Variants in CDH10 observed in about 807,000 individuals in gnomAD.
CDH10 encodes the protein cadherin 10.
In CDH10, 30 loss-of-function variants were observed where a neutral mutation model predicts 73.1. That is an observed-to-expected ratio of 0.41 (90% CI 0.31 to 0.56). The LOEUF (loss-of-function observed/expected upper bound fraction) is 0.56. Among genes scored for constraint, CDH10 ranks in the 20% least tolerant of loss-of-function variants. CDH10 has a pLI of 0.27. For synonymous variants in CDH10, 345 were observed against 348.2 expected, an observed-to-expected ratio of 0.99 and a Z score of 0.10; for missense variants, 815 against 973.7, an observed-to-expected ratio of 0.84 and a Z score of 2.17.
At chr5:24,593,773 T>C (rs1746280592) in intron 1 of CDH10, among the ~76,000 whole-genome samples, 160 bp from the exon 2 acceptor site, 1 of 151,960 alleles carries the variant, frequency 6.6e-6, no homozygotes, top group Admixed American at 6.6e-5. Context: ...ATATTACTTG[T>C]CTAGCAATAT....
At chr5:24,503,007 A>G (rs1269969728) in intron 8 of CDH10, among the ~76,000 whole-genome samples, 2 of 152,226 alleles carry the variant, frequency 1.3e-5, no homozygotes, top group Admixed American at 6.5e-5. Context: ...TTTATATCTC[A>G]CTATGAAAAA....
intron 2 of CDH10, among the ~76,000 whole-genome samples, chr5:24,592,461 C>T (rs1746231388): frequency 6.6e-6 from 1 of 151,690 alleles, no homozygotes; most frequent in African/African-American, 2.4e-5. Flanking sequence ...TTTGTAAGCT[C>T]TCAAGTCAAC....
At chr5:24,644,175 G>A (rs1163699008) in intron 1 of CDH10, among the ~76,000 whole-genome samples, 1 of 152,116 alleles carries the variant, frequency 6.6e-6, no homozygotes, top group Middle Eastern at 3.2e-3. Context: ...CCATTCATAT[G>A]GAATGCAAAG....
intron 2 of CDH10, among the ~76,000 whole-genome samples, chr5:24,564,971 T>A (rs1745116268): frequency 6.6e-6 from 1 of 152,122 alleles, no homozygotes. Flanking sequence ...CTTTTCTGAC[T>A]CTGAATGCCC....
chr5:24,575,363 A>AT, intron 2 of CDH10, among the ~76,000 whole-genome samples: 1 of 150,570 alleles, frequency 6.6e-6, no homozygotes, highest in Non-Finnish European at 1.5e-5. Context: ...AACAAAAAAA[A>AT]AAAAAAAAAA....
At chr5:24,629,575 T>G (rs1747634519) in intron 1 of CDH10, among the ~76,000 whole-genome samples, 1 of 152,136 alleles carries the variant, frequency 6.6e-6, no homozygotes, top group African/African-American at 2.4e-5. Flanking sequence ...TCTCAAATTG[T>G]AATCCCCAGG....
intron 5 of CDH10, among the ~76,000 whole-genome samples, chr5:24,529,160 C>A (rs1290787725): frequency 6.6e-6 from 1 of 152,010 alleles, no homozygotes; most frequent in South Asian, 2.1e-4. Context: ...CTTGGGCAAA[C>A]CAGATAATCC....
At chr5:24,635,228 G>A (rs1297692826) in intron 1 of CDH10, among the ~76,000 whole-genome samples, 1 of 151,794 alleles carries the variant, frequency 6.6e-6, no homozygotes, top group African/African-American at 2.4e-5. Context: ...AGATTTATAG[G>A]TATCAAAACG....
intron 2 of CDH10, among the ~76,000 whole-genome samples, chr5:24,573,996 T>G (rs1259906003): frequency 6.6e-6 from 1 of 151,656 alleles, no homozygotes; most frequent in Non-Finnish European, 1.5e-5. Flanking sequence ...GCCATTCTCC[T>G]GCCTCAACCT....
At chr5:24,552,530 T>C (rs1278734037) in intron 2 of CDH10, among the ~76,000 whole-genome samples, 1 of 152,044 alleles carries the variant, frequency 6.6e-6, no homozygotes, top group Admixed American at 6.6e-5. Flanking sequence ...CTAATCTTCT[T>C]TTTCTGTTAA....
intron 9 of CDH10, among the ~76,000 whole-genome samples, chr5:24,493,417 C>CT (rs1228556048): frequency 6.6e-6 from 1 of 151,860 alleles, no homozygotes; most frequent in Non-Finnish European, 1.5e-5. Flanking sequence ...GTTCAATTAA[C>CT]TTACACTTTC....
chr5:24,625,274 CT>C (rs35568583), intron 1 of CDH10, among the ~76,000 whole-genome samples: 90,699 of 151,730 alleles, frequency 0.6, 30,946 homozygotes, highest in East Asian at 0.75. Flanking sequence ...CAGAACTCTC[CT>C]TGCTCTTTAG....
chr5:24,540,791 G>T (rs569558911), intron 2 of CDH10, among the ~76,000 whole-genome samples: 1 of 151,890 alleles, frequency 6.6e-6, no homozygotes, highest in South Asian at 2.1e-4. Flanking sequence ...CTAGAATGAA[G>T]GGCAAAAAGG....
intron 1 of CDH10, among the ~76,000 whole-genome samples, chr5:24,639,938 G>A (rs1471769634): frequency 6.6e-6 from 1 of 151,714 alleles, no homozygotes; most frequent in Non-Finnish European, 1.5e-5. Flanking sequence ...TCCCACACTT[G>A]GCTTGCTAGT....
rs1261823483 is a variant in CDH10, at chr5:24,531,638, C to A, written c.814+3474G>T. Among the ~76,000 whole-genome samples the A allele has an allele frequency of 7.9e-5, 12 of 152,100 alleles. 1 individual carries two copies. Among genetic ancestry groups the A allele is most frequent in the African/African-American group, 2.6e-4 (11 of 41,530 alleles). On this transcript the variant is annotated intron_variant, in intron 5 of 11. Transcript: ENST00000264463. ...TATAATACCATCGGATCTCATGAGA[C>A]TTATTCACTATCACAAGAATAGCAC...
chr5:24,515,412 T>A (rs1177127772), intron 5 of CDH10, among the ~76,000 whole-genome samples: 1 of 152,140 alleles, frequency 6.6e-6, no homozygotes, highest in Admixed American at 6.5e-5. Context: ...TACCCTGATA[T>A]AAAACCAGAC....
In CDH10 at chr5:24,526,595, C is replaced by T. The variant is rs529534953; in HGVS notation, c.814+8517G>A. On this transcript the variant is annotated intron_variant, in intron 5 of 11. Transcript: ENST00000264463. ...GGTAGAAAGCTTGAAAGTATCTTTT[C>T]ATTGATATTTTACCTTTTAACCCTC... Among the ~76,000 whole-genome samples, 4 of 151,910 alleles carry T rather than the reference C, an allele frequency of 2.6e-5. No homozygotes were observed. The South Asian group carries it at 8.3e-4, about 31-fold the overall frequency.
At chr5:24,629,791 T>A (rs1258326507) in intron 1 of CDH10, among the ~76,000 whole-genome samples, 2 of 152,102 alleles carry the variant, frequency 1.3e-5, no homozygotes, top group Non-Finnish European at 2.9e-5. Context: ...TCCTGAGGCC[T>A]CCCCAGCCAT....
chr5:24,632,368 A>C (rs188544649), intron 1 of CDH10, among the ~76,000 whole-genome samples: 278 of 152,110 alleles, frequency 1.8e-3, no homozygotes, highest in Non-Finnish European at 2.9e-3. Context: ...TTCCCCTTTG[A>C]AGTTGAAATA....
Sources: allele counts gnomAD v4.1 joint callset (sites outside exome capture counted in the v4.1 genomes callset), GRCh38; gene constraint gnomAD v4.1.1; transcripts MANE v1.5; gene names NCBI Gene and HGNC (gene_info 2026-07-23, HGNC 2026-07-21).